EFNB2: variants seen among roughly 807,000 people sequenced by gnomAD.
EFNB2 encodes ephrin B2.
In EFNB2, 5 loss-of-function variants were observed where a neutral mutation model predicts 32.1. The ratio of observed to expected loss-of-function variants is 0.16; its 90% CI spans 0.08 to 0.33. The LOEUF is 0.33. Among genes scored for constraint, EFNB2 ranks in the 10% least tolerant of loss-of-function variants. The pLI is 1.00. For synonymous variants in EFNB2, 168 were observed against 166.5 expected, an observed-to-expected ratio of 1.01 and a Z score of -0.07; for missense variants, 263 against 422.6, an observed-to-expected ratio of 0.62 and a Z score of 3.31.
intron 2 of EFNB2, among the ~76,000 whole-genome samples, chr13:106,504,007 ATATCT>A (rs1566456987): frequency 6.6e-6 from 1 of 152,226 alleles, no homozygotes; most frequent in Non-Finnish European, 1.5e-5. Flanking sequence ...GATAGTGATA[ATATCT>A]AATGAAAATA....
At chr13:106,510,609 C>G (rs1301459341) in intron 2 of EFNB2, among the ~76,000 whole-genome samples, 1 of 151,082 alleles carries the variant, frequency 6.6e-6, no homozygotes, top group East Asian at 1.9e-4. Context: ...CCTTCTTTCT[C>G]CCACCCCACC....
intron 1 of EFNB2, among the ~76,000 whole-genome samples, chr13:106,528,631 T>C (rs1004003550): frequency 3.9e-5 from 6 of 152,210 alleles, no homozygotes; most frequent in African/African-American, 1.2e-4. Flanking sequence ...GAGACTTTCC[T>C]GTAATGCCAA....
intron 2 of EFNB2, among the ~76,000 whole-genome samples, 189 bp from the exon 3 acceptor site, chr13:106,496,029 T>C (rs1316069099): frequency 2.0e-5 from 3 of 152,112 alleles, no homozygotes; most frequent in East Asian, 3.8e-4. Flanking sequence ...TAAAGAGAAA[T>C]GGATATCGGA....
At position 106,497,515 on chromosome 13, in the gene EFNB2, C is replaced by A. The variant is rs181742446; in HGVS notation, c.407-1675G>T. On this transcript the variant is annotated intron_variant, in intron 2 of 4. Transcript: ENST00000646441. ...ACACTTCTGTGAATCTAAAAAAAAT[C>A]TTTTTAATTATTTAATGGGGCTATT... Among the ~76,000 whole-genome samples the A allele has an allele frequency of 5.3e-5, 8 of 150,190 alleles. No individual in the cohort carries two copies. In the East Asian group the frequency reaches 1.6e-3, roughly 29 times the overall value.
At chr13:106,524,691 AC>A (rs908983512) in intron 1 of EFNB2, among the ~76,000 whole-genome samples, 2 of 152,222 alleles carry the variant, frequency 1.3e-5, no homozygotes, top group African/African-American at 2.4e-5. Context: ...TCATTCAACA[AC>A]CCAACTGCTC....
chr13:106,498,424 T>C (rs1179661262), intron 2 of EFNB2, among the ~76,000 whole-genome samples: 1 of 152,230 alleles, frequency 6.6e-6, no homozygotes, highest in Non-Finnish European at 1.5e-5. Context: ...TTGATTTTTT[T>C]TTCTTTTAAT....
At chr13:106,501,655 T>C (rs1594163852) in intron 2 of EFNB2, among the ~76,000 whole-genome samples, 1 of 151,826 alleles carries the variant, frequency 6.6e-6, no homozygotes, top group Non-Finnish European at 1.5e-5. Context: ...TGCAGTGGTG[T>C]GATCTTGGCT....
Position 106,522,229 on chromosome 13 carries a change from G to C in EFNB2, c.123-9417C>G, listed in dbSNP as rs973876172. Among the ~76,000 whole-genome samples, 4 of 152,320 alleles carry C rather than the reference G, an allele frequency of 2.6e-5. No individual in the cohort carries two copies. In the Middle Eastern group the frequency reaches 0.01, roughly 389 times the overall value. On this transcript the variant is annotated intron_variant, in intron 1 of 4. Transcript: ENST00000646441. ...TCATCCTGCTGGCTTGATCACGCCA[G>C]CTCCATTACTAAAAGGAGGATTTCA...
At position 106,491,113 on chromosome 13, in the gene EFNB2, C is replaced by T. The variant is rs919096599; in HGVS notation, c.*1927G>A. 13 of 152,738 alleles carry T rather than the reference C, an allele frequency of 8.5e-5. No homozygotes were observed. The highest frequency in any genetic ancestry group is 2.9e-4 in the African/African-American group (12 of 41,560). 9.5% of individuals were successfully genotyped at this position (152,738 alleles called of 1,614,324 possible). On this transcript the variant is annotated 3_prime_UTR_variant, in exon 5 of 5. Coordinates refer to ENST00000646441, the MANE Select transcript of EFNB2 (RefSeq NM_004093.4). The stretch of plus-strand genomic sequence containing the variant: ...CAGGAGGAGGGAGCCACAGCTAAAT[C>T]GTCACCTGAAGCCCCCAGTGTGACC...
chr13:106,493,547 T>C lies in EFNB2; in HGVS notation c.614-119A>G. 7.3e-7 allele frequency: 1 copy of C among 1,374,042 alleles called. No homozygotes were observed. The highest frequency in any genetic ancestry group is 2.4e-5 in the East Asian group (1 of 41,614). 85.1% of individuals were successfully genotyped at this position (1,374,042 alleles called of 1,614,324 possible). A position where few individuals can be genotyped will look rare whatever the true frequency, so the allele number is the denominator to read the frequency against. ...GCCAGGCTTATTACTAACTAGAAGC[T>C]GGACTTTGCCTCGCCAATACCTCGT... On this transcript the variant is annotated intron_variant, in intron 4 of 4. Transcript: ENST00000646441. The surrounding 1 kb of genome is among the most constrained non-coding windows in gnomAD (Gnocchi z 6.1).
chr13:106,515,219 G>T (rs989008016), intron 1 of EFNB2, among the ~76,000 whole-genome samples: 1 of 152,148 alleles, frequency 6.6e-6, no homozygotes, highest in African/African-American at 2.4e-5. Flanking sequence ...CTCTGTGTTT[G>T]AGGCCATATT....
intron 1 of EFNB2, among the ~76,000 whole-genome samples, chr13:106,525,603 CTT>C (rs1211441434): frequency 6.6e-6 from 1 of 152,192 alleles, no homozygotes; most frequent in African/African-American, 2.4e-5. Flanking sequence ...TCTACTGTGA[CTT>C]TGCTTAGAGA....
At chr13:106,528,583 T>C (rs1270071197) in intron 1 of EFNB2, among the ~76,000 whole-genome samples, 1 of 152,168 alleles carries the variant, frequency 6.6e-6, no homozygotes, top group African/African-American at 2.4e-5. Context: ...CCTTTGGCAT[T>C]TTCAATGTCT....
chr13:106,511,990 G>C (rs182960141), intron 2 of EFNB2, among the ~76,000 whole-genome samples: 15 of 152,236 alleles, frequency 9.9e-5, no homozygotes, highest in African/African-American at 3.6e-4. Context: ...TTCTGAATCT[G>C]GTTTTAATGT....
intron 2 of EFNB2, among the ~76,000 whole-genome samples, chr13:106,499,273 A>G (rs542382863): frequency 2.9e-5 from 3 of 104,496 alleles, no homozygotes; most frequent in African/African-American, 1.6e-4. Flanking sequence ...GACACAGCTA[A>G]AAAAAAAAAG....
At chr13:106,496,843 G>T (rs752514891) in intron 2 of EFNB2, among the ~76,000 whole-genome samples, 4 of 152,204 alleles carry the variant, frequency 2.6e-5, no homozygotes, top group Non-Finnish European at 5.9e-5. Flanking sequence ...TTGAATTACA[G>T]TTCAAGTTCC....
chr13:106,535,075 C>A lies in EFNB2; in HGVS notation c.-111G>T. The A allele has an allele frequency of 6.8e-7, 1 of 1,462,322 alleles. No individual in the cohort carries two copies. The highest frequency in any genetic ancestry group is 1.3e-5 in the South Asian group (1 of 76,464). 90.6% of individuals were successfully genotyped at this position (1,462,322 alleles called of 1,614,324 possible). On this transcript the variant is annotated 5_prime_UTR_variant, in exon 1 of 5. Transcript: ENST00000646441. ...ACTGGCGGGGAAGACGGCGTGCGCC[C>A]GCAGGCAGCTCCGAGGCGCGCTGCG...
intron 1 of EFNB2, among the ~76,000 whole-genome samples, chr13:106,528,181 GAAAA>G (rs1879762198): frequency 6.6e-6 from 1 of 152,092 alleles, no homozygotes; most frequent in African/African-American, 2.4e-5. Flanking sequence ...CATTAAGTTA[GAAAA>G]AGAAGGTAAA....
At chr13:106,525,080 G>GTGTT (rs376005219) in intron 1 of EFNB2, among the ~76,000 whole-genome samples, 1 of 152,312 alleles carries the variant, frequency 6.6e-6, no homozygotes, top group African/African-American at 2.4e-5. Flanking sequence ...ATAACAACTG[G>GTGTT]TGTTTGATTG....
Sources: allele counts gnomAD v4.1 joint callset (sites outside exome capture counted in the v4.1 genomes callset), GRCh38; gene constraint gnomAD v4.1.1; non-coding constraint Gnocchi (gnomAD v3.1); transcripts MANE v1.5; gene names NCBI Gene and HGNC (gene_info 2026-07-23, HGNC 2026-07-21).